UBR3: variants seen among roughly 807,000 people sequenced by gnomAD.
The protein encoded by UBR3 is ubiquitin protein ligase E3 component n-recognin 3.
Under a neutral mutation model 243.2 loss-of-function variants are expected in UBR3, and 85 were observed. The observed-to-expected ratio is 0.35, with a 90% confidence interval of 0.29 to 0.42. The LOEUF (loss-of-function observed/expected upper bound fraction) is 0.42, where lower values mean the gene tolerates loss of function less well. UBR3 is among the 10% of genes least tolerant of loss of function. The pLI is 1.00. For synonymous variants in UBR3, 748 were observed against 799.8 expected (o/e 0.94, Z 1.09); for missense variants, 1,686 against 2,300.8 (o/e 0.73, Z 5.47).
intron 30 of UBR3, among the ~76,000 whole-genome samples, chr2:170,016,501 A>G (rs2090239620): frequency 6.6e-6 from 1 of 151,772 alleles, no homozygotes; most frequent in Non-Finnish European, 1.5e-5. Flanking sequence ...GATACATGGG[A>G]GTTTTAGTTT....
intron 32 of UBR3, among the ~76,000 whole-genome samples, chr2:170,043,398 G>A (rs2091013906): frequency 6.6e-6 from 1 of 152,102 alleles, no homozygotes; most frequent in Admixed American, 6.6e-5. Flanking sequence ...TGCAATACAT[G>A]AAATTAACCA....
intron 1 of UBR3, among the ~76,000 whole-genome samples, chr2:169,866,615 G>T (rs1216936286): frequency 1.3e-5 from 2 of 152,076 alleles, no homozygotes; most frequent in East Asian, 3.9e-4. Context: ...CGCCCACCTC[G>T]GCCCCCCAAA....
intron 19 of UBR3, among the ~76,000 whole-genome samples, chr2:169,938,053 C>T (rs2086413917): frequency 6.6e-6 from 1 of 151,722 alleles, no homozygotes; most frequent in South Asian, 2.1e-4. Context: ...GAGATGAGTT[C>T]TGTAGCCAAA....
intron 1 of UBR3, among the ~76,000 whole-genome samples, chr2:169,836,033 CTCTCTCTCTCTA>C (rs1362877845): frequency 0.011 from 219 of 20,250 alleles, 7 homozygotes; most frequent in African/African-American, 0.016. Context: ...CTCTCTCTCT[CTCTCTCTCTCTA>C]TATATATATA....
chr2:169,835,993 G>GTCCCCCCCTC lies in UBR3; in HGVS notation c.545+7943_545+7944insCCCCCCTCTC, dbSNP rs1194152380. 6.5e-4 allele frequency among the ~76,000 whole-genome samples: 20 copies of GTCCCCCCCTC among 30,724 alleles called. 1 individual carries two copies. The highest frequency in any genetic ancestry group is 1.1e-3 in the Admixed American group (2 of 1,772). 20.2% of individuals were successfully genotyped at this position (30,724 alleles called of 152,430 possible). A position where few individuals can be genotyped will look rare whatever the true frequency, so the allele number is the denominator to read the frequency against. ...TTTTCCTGAAATTCCTGTGTGCACTGTCTCTCTCTCTCTCTCTCTCTCTCT... is the reference window on the plus strand; with the variant it reads ...TTTTCCTGAAATTCCTGTGTGCACTGTCCCCCCCTCTCTCTCTCTCTCTCTCTCTCTCTCT... On this transcript the variant is annotated intron_variant, in intron 1 of 38. Coordinates refer to ENST00000272793, the MANE Select transcript of UBR3 (RefSeq NM_172070.4).
intron 1 of UBR3, among the ~76,000 whole-genome samples, chr2:169,855,541 T>C (rs990496550): frequency 6.6e-6 from 1 of 151,554 alleles, no homozygotes; most frequent in Non-Finnish European, 1.5e-5. Context: ...GATTAGGGAG[T>C]GGTGATGACT....
At position 170,015,417 on chromosome 2, in the gene UBR3, G is replaced by A. The variant is rs947639558; in HGVS notation, c.4453+51G>A. The stretch of plus-strand genomic sequence containing the variant: ...AAAAAAAATTCTGTCATTTTTGGAA[G>A]CATTGACAGGAAAAGTGACATTTTG... On this transcript the variant is annotated intron_variant, in intron 30 of 38. Coordinates refer to ENST00000272793, the MANE Select transcript of UBR3 (RefSeq NM_172070.4). 10 of 1,423,946 alleles carry A rather than the reference G, an allele frequency of 7.0e-6. No individual in the cohort carries two copies. In the African/African-American group the frequency reaches 1.1e-4, roughly 16 times the overall value. The allele number at this position is 1,423,946 out of a possible 1,614,324, so 88.2% of individuals were successfully genotyped here. A position where few individuals can be genotyped will look rare whatever the true frequency, so the allele number is the denominator to read the frequency against.
At position 170,001,379 on chromosome 2, in the gene UBR3, A is replaced by G. The variant is rs1340770618; in HGVS notation, c.3994A>G (p.Ile1332Val). 26 of 1,613,582 alleles carry G rather than the reference A, an allele frequency of 1.6e-5. No homozygotes were observed. Among genetic ancestry groups the G allele is most frequent in the Non-Finnish European group, 2.2e-5 (26 of 1,179,762 alleles). ...ACAAACCTGTGGTCACACATTACAT[A>G]TAGATTGTCATAAATCTTACATGGA... ...YVQTCGHTLHIDCHKSYMESL... is the reference protein window; with the variant it reads ...YVQTCGHTLHVDCHKSYMESL... The change falls in exon 27 of 39, where the codon ATA becomes GTA. Residue 1332 changes from isoleucine to valine, a missense_variant. This residue lies in a region of UBR3 where 156 missense variants were observed against 246.3 expected (regional missense o/e 0.63). Transcript: ENST00000272793.
chr2:169,906,186 T>A, intron 10 of UBR3, 22 bp downstream of exon 10: 1 of 1,527,726 alleles, frequency 6.5e-7, no homozygotes, highest in Non-Finnish European at 8.8e-7. Context: ...ATATTTTTGT[T>A]AATTTCTGTG....
intron 1 of UBR3, among the ~76,000 whole-genome samples, chr2:169,829,525 G>A (rs1383828751): frequency 6.7e-6 from 1 of 148,880 alleles, no homozygotes; most frequent in Non-Finnish European, 1.5e-5. Flanking sequence ...CTGGGTTCAA[G>A]CGATTCTCCT....
In UBR3 at chr2:170,007,173, C is replaced by T. The variant is rs1464208147; in HGVS notation, c.4213C>T (p.Arg1405Ter). The T allele has an allele frequency of 1.2e-6, 2 of 1,602,804 alleles. No homozygotes were observed. The highest frequency in any genetic ancestry group is 1.7e-6 in the Non-Finnish European group (2 of 1,174,258). Residue 1405 changes from arginine to a stop codon, truncating the protein, a stop_gained, in exon 28 of 39, where the codon CGA becomes TGA. Transcript: ENST00000272793. LOFTEE classifies it high-confidence loss of function. ...LIKEVEELQG[R>*]PGAFPSETNL... ...AAAGGAAGTGGAGGAGCTGCAGGGACGACCGGGAGCTTTCCCAGTAAGCAT... is the reference window on the plus strand; with the variant it reads ...AAAGGAAGTGGAGGAGCTGCAGGGATGACCGGGAGCTTTCCCAGTAAGCAT...
In UBR3 at chr2:169,925,604, A is replaced by G. The variant is rs1419842833; in HGVS notation, c.2023-15A>G. The G allele has an allele frequency of 6.5e-7, 1 of 1,534,840 alleles. No individual in the cohort carries two copies. The highest frequency in any genetic ancestry group is 8.8e-7 in the Non-Finnish European group (1 of 1,141,488). ...ATTTAGATAATTTATTCTTTGTCCA[A>G]TTTACTTTTATTAGGCAAGTCTTGC... On this transcript the variant is annotated splice_polypyrimidine_tract_variant and intron_variant, in intron 13 of 38. Transcript: ENST00000272793.
chr2:169,871,448 G>A (rs1272433468), intron 1 of UBR3, among the ~76,000 whole-genome samples: 1 of 150,354 alleles, frequency 6.7e-6, no homozygotes, highest in Non-Finnish European at 1.5e-5. Flanking sequence ...CTTCATTTTT[G>A]CTTAAGCATA....
intron 1 of UBR3, among the ~76,000 whole-genome samples, chr2:169,844,786 G>A (rs1470927903): frequency 6.6e-5 from 10 of 152,168 alleles, no homozygotes; most frequent in Admixed American, 1.3e-4. Context: ...GGGAGCCATC[G>A]CGCCTGGCTG....
chr2:170,008,756 A>T, intron 28 of UBR3, 48 bp from the exon 29 acceptor site: 2 of 961,944 alleles, frequency 2.1e-6, no homozygotes, highest in Non-Finnish European at 3.0e-6. Flanking sequence ...GACCATTATT[A>T]AAGAAAGTGA....
At chr2:169,844,864 T>G (rs1352559667) in intron 1 of UBR3, among the ~76,000 whole-genome samples, 1 of 152,204 alleles carries the variant, frequency 6.6e-6, no homozygotes, top group Non-Finnish European at 1.5e-5. Flanking sequence ...TTGTTGTTGT[T>G]GTTCTCAATT....
intron 36 of UBR3, among the ~76,000 whole-genome samples, chr2:170,075,835 T>TCA (rs1450021313): frequency 1.3e-5 from 2 of 151,816 alleles, no homozygotes; most frequent in Non-Finnish European, 2.9e-5. Context: ...AATTTTTTTA[T>TCA]CAGTTAAGAT....
At chr2:169,978,905 G>A (rs866462159) in intron 24 of UBR3, among the ~76,000 whole-genome samples, 4 of 152,082 alleles carry the variant, frequency 2.6e-5, no homozygotes, top group African/African-American at 4.8e-5. Flanking sequence ...TATCGGCCTA[G>A]CCCTAGGCTC....
Position 170,084,085 on chromosome 2 carries a change from T to C in UBR3, c.*2242T>C, listed in dbSNP as rs976865925. 6.6e-6 allele frequency: 1 copy of C among 152,468 alleles called. No homozygotes were observed. The highest frequency in any genetic ancestry group is 1.5e-5 in the Non-Finnish European group (1 of 68,024). 9.4% of individuals were successfully genotyped at this position (152,468 alleles called of 1,614,324 possible). A position where few individuals can be genotyped will look rare whatever the true frequency, so the allele number is the denominator to read the frequency against. Reference sequence around the variant, plus strand: ...TAGGAATAATCAACATTGTAAGATATGTTAATAAAAACCTGCTGTCATTTG... The same window carrying C: ...TAGGAATAATCAACATTGTAAGATACGTTAATAAAAACCTGCTGTCATTTG... On this transcript the variant is annotated 3_prime_UTR_variant, in exon 39 of 39. Transcript: ENST00000272793.
Sources: allele counts gnomAD v4.1 joint callset (sites outside exome capture counted in the v4.1 genomes callset), GRCh38; gene constraint gnomAD v4.1.1; regional missense constraint gnomAD v4.1.1; transcripts MANE v1.5; gene names NCBI Gene and HGNC (gene_info 2026-07-23, HGNC 2026-07-21).